The following CACNA2D3 variants were observed in gnomAD, a reference collection of about 807,000 sequenced individuals.
The protein encoded by CACNA2D3 is calcium voltage-gated channel auxiliary subunit alpha2delta 3.
CACNA2D3 carries 60 observed loss-of-function variants against 160.6 expected under a neutral mutation model. The observed-to-expected ratio is 0.37, with a 90% confidence interval of 0.30 to 0.46. The LOEUF (loss-of-function observed/expected upper bound fraction) is 0.46. CACNA2D3 is among the 20% of genes least tolerant of loss of function. The probability of loss-of-function intolerance (pLI) is 1.00; values close to 1 mark genes in which losing one functional copy is unlikely to be tolerated. For missense variants in CACNA2D3, 1,205 were observed against 1,365.0 expected, an observed-to-expected ratio of 0.88 and a Z score of 1.85; for synonymous variants, 558 against 492.9, an observed-to-expected ratio of 1.13 and a Z score of -1.75.
intron 4 of CACNA2D3, among the ~76,000 whole-genome samples, chr3:54,394,229 G>A (rs115848928): frequency 0.05 from 7,676 of 152,024 alleles, 284 homozygotes; most frequent in Middle Eastern, 0.095. Flanking sequence ...CCAGCTCCCC[G>A]GAGCGGCCTT....
intron 2 of CACNA2D3, among the ~76,000 whole-genome samples, chr3:54,172,289 G>C (rs928453560): frequency 1.4e-4 from 21 of 152,168 alleles, no homozygotes; most frequent in African/African-American, 5.1e-4. Context: ...ACTTGTTTTC[G>C]GTCGAGCCTT....
At chr3:54,149,267 G>GCGCACACACA (rs111927276) in intron 2 of CACNA2D3, among the ~76,000 whole-genome samples, 189 of 144,440 alleles carry the variant, frequency 1.3e-3, no homozygotes, top group African/African-American at 4.3e-3. Flanking sequence ...GGTCCCATGT[G>GCGCACACACA]CACACACACA....
intron 32 of CACNA2D3, among the ~76,000 whole-genome samples, chr3:55,005,120 A>C (rs1012512689): frequency 5.0e-4 from 76 of 152,002 alleles, no homozygotes; most frequent in Admixed American, 4.1e-3. Context: ...TACTAAAAAT[A>C]CAAAAATTAG....
intron 4 of CACNA2D3, among the ~76,000 whole-genome samples, chr3:54,476,780 A>T (rs773578569): frequency 3.9e-5 from 6 of 152,164 alleles, no homozygotes; most frequent in Non-Finnish European, 5.9e-5. Context: ...TTGAGTTGAT[A>T]TGAGTTTCTT....
intron 2 of CACNA2D3, among the ~76,000 whole-genome samples, chr3:54,245,270 T>TC (rs1702050673): frequency 1.3e-5 from 2 of 152,220 alleles, no homozygotes; most frequent in Admixed American, 1.3e-4. Flanking sequence ...CTTTTTATTT[T>TC]TATTTTTTAA....
intron 13 of CACNA2D3, among the ~76,000 whole-genome samples, chr3:54,813,804 C>G (rs1575490880): frequency 6.6e-6 from 1 of 150,904 alleles, no homozygotes; most frequent in East Asian, 1.9e-4. Context: ...AAAAAAAGCG[C>G]AGGGAAATGT....
At chr3:54,462,168 A>G (rs1363308820) in intron 4 of CACNA2D3, among the ~76,000 whole-genome samples, 5 of 152,090 alleles carry the variant, frequency 3.3e-5, no homozygotes, top group Non-Finnish European at 7.3e-5. Flanking sequence ...CTGTTCTTTT[A>G]CATTTGCTGA....
intron 5 of CACNA2D3, among the ~76,000 whole-genome samples, chr3:54,535,532 C>A (rs529512033): frequency 3.3e-5 from 5 of 152,100 alleles, no homozygotes; most frequent in Non-Finnish European, 5.9e-5. Context: ...AATATGACTT[C>A]TATTTTTATT....
At chr3:54,478,978 T>A (rs1183631027) in intron 4 of CACNA2D3, among the ~76,000 whole-genome samples, 2 of 151,960 alleles carry the variant, frequency 1.3e-5, no homozygotes, top group East Asian at 3.9e-4. Flanking sequence ...GTGATATGAT[T>A]TGGCTATATC....
intron 11 of CACNA2D3, among the ~76,000 whole-genome samples, chr3:54,734,416 C>T (rs1383814283): frequency 6.6e-6 from 1 of 152,142 alleles, no homozygotes; most frequent in Admixed American, 6.6e-5. Context: ...GCTCTCAGGA[C>T]TACTGCAACT....
At chr3:54,326,195 C>G (rs150135501) in intron 3 of CACNA2D3, among the ~76,000 whole-genome samples, 3 of 152,290 alleles carry the variant, frequency 2.0e-5, no homozygotes, top group African/African-American at 7.2e-5. Flanking sequence ...AGACATTTTT[C>G]CTAGGAAACG....
chr3:54,644,672 A>G (rs1262598411), intron 11 of CACNA2D3, among the ~76,000 whole-genome samples: 1 of 152,244 alleles, frequency 6.6e-6, no homozygotes. Context: ...TGTGATTCCC[A>G]TAAAACAGTA....
intron 6 of CACNA2D3, among the ~76,000 whole-genome samples, chr3:54,564,168 T>C (rs964747625): frequency 1.1e-4 from 16 of 152,270 alleles, no homozygotes; most frequent in African/African-American, 3.9e-4. Flanking sequence ...CGTCTCGCTA[T>C]GCGGCACTGT....
intron 2 of CACNA2D3, among the ~76,000 whole-genome samples, chr3:54,265,717 C>T (rs1334668902): frequency 2.1e-5 from 3 of 144,180 alleles, no homozygotes; most frequent in African/African-American, 7.6e-5. Context: ...TGTTTATATA[C>T]GCACACACAC....
intron 2 of CACNA2D3, among the ~76,000 whole-genome samples, chr3:54,298,822 G>T (rs1044342577): frequency 6.6e-6 from 1 of 151,624 alleles, no homozygotes; most frequent in African/African-American, 2.4e-5. Flanking sequence ...GAAGGCAGTG[G>T]CTCAAACCTG....
intron 13 of CACNA2D3, among the ~76,000 whole-genome samples, chr3:54,766,008 C>CAT (rs1322626977): frequency 2.0e-5 from 3 of 152,080 alleles, no homozygotes; most frequent in Non-Finnish European, 4.4e-5. Flanking sequence ...GAAACCATTA[C>CAT]AAGCAGTAGA....
At chr3:55,061,072 C>T (rs982570232) in intron 35 of CACNA2D3, among the ~76,000 whole-genome samples, 5 of 152,200 alleles carry the variant, frequency 3.3e-5, no homozygotes, top group African/African-American at 1.2e-4. Flanking sequence ...TATCATGGCT[C>T]TTACTGATGC....
intron 9 of CACNA2D3, among the ~76,000 whole-genome samples, chr3:54,603,286 A>G (rs1703098979): frequency 6.6e-6 from 1 of 152,206 alleles, no homozygotes; most frequent in Admixed American, 6.5e-5. Context: ...ATAAGGCTCC[A>G]GGACTGCTGA....
At chr3:55,057,331 T>C (rs1406109339) in intron 35 of CACNA2D3, among the ~76,000 whole-genome samples, 4 of 152,142 alleles carry the variant, frequency 2.6e-5, no homozygotes, top group Admixed American at 6.5e-5. Context: ...ATTTTATTCA[T>C]AAATTATAAC....
Sources: gnomAD v4.1 joint callset for allele counts (sites outside exome capture counted in the v4.1 genomes callset) on GRCh38, gnomAD v4.1.1 for gene constraint, MANE v1.5 for transcripts, NCBI Gene and HGNC (gene_info 2026-07-23, HGNC 2026-07-21) for gene names.